The following PARD3 variants were observed in gnomAD, a reference collection of about 807,000 sequenced individuals.
The protein encoded by PARD3 is par-3 family cell polarity regulator, also known as partitioning defective 3 homolog.
In PARD3, 75 loss-of-function variants were observed where a neutral mutation model predicts 155.4. That is an observed-to-expected ratio of 0.48 (90% CI 0.40 to 0.58). The LOEUF (loss-of-function observed/expected upper bound fraction) is 0.58, where lower values mean the gene tolerates loss of function less well. Ranked by LOEUF, PARD3 falls within the 20% of genes least tolerant of loss-of-function variation. PARD3 has a pLI of 0.00. For missense variants in PARD3, 1,642 were observed against 1,721.7 expected, an observed-to-expected ratio of 0.95 and a Z score of 0.82; for synonymous variants, 576 against 610.5, an observed-to-expected ratio of 0.94 and a Z score of 0.83.
At position 34,814,957 on chromosome 10, in the gene PARD3, G is replaced by T; in HGVS notation, c.39C>A (p.Val13=). The change falls in exon 1 of 25, where the codon GTC becomes GTA. Residue 13 remains valine, a synonymous_variant. Coordinates refer to ENST00000374788, the MANE Select transcript of PARD3 (RefSeq NM_001184785.2). ...TCATGTGGCCGTCCCCGCACGGCACGACCACCCGGGTCCGTCCGAAGCACA... is the reference window on the plus strand; with the variant it reads ...TCATGTGGCCGTCCCCGCACGGCACTACCACCCGGGTCCGTCCGAAGCACA... ...VTVCFGRTRV[V]VPCGDGHMKV... is the part of the protein sequence containing the mutation. 5 of 1,560,648 alleles carry T rather than the reference G, an allele frequency of 3.2e-6. No homozygotes were observed. The highest frequency in any genetic ancestry group is 4.3e-6 in the Non-Finnish European group (5 of 1,155,776).
intron 2 of PARD3, among the ~76,000 whole-genome samples, chr10:34,634,418 CA>C (rs2092394112): frequency 6.6e-6 from 1 of 152,036 alleles, no homozygotes; most frequent in Non-Finnish European, 1.5e-5. Context: ...GTTTTCCCTC[CA>C]GGGGAGGGAA....
chr10:34,644,052 A>T (rs2092760933), intron 2 of PARD3, among the ~76,000 whole-genome samples: 1 of 152,344 alleles, frequency 6.6e-6, no homozygotes, highest in Admixed American at 6.5e-5. Flanking sequence ...CTGCTTGCAT[A>T]AATTTTTTAG....
intron 20 of PARD3, among the ~76,000 whole-genome samples, chr10:34,305,408 C>T (rs1433584818): frequency 2.6e-5 from 4 of 152,226 alleles, no homozygotes; most frequent in Non-Finnish European, 5.9e-5. Context: ...GAAGGGAGGC[C>T]TTCCACCTGC....
At position 34,227,856 on chromosome 10, in the gene PARD3, T is replaced by TATATATATATATATATATATATATATATA. The variant is rs1554814034; in HGVS notation, c.3419+41800_3419+41801insTATATATATATATATATATATATATATAT. Among the ~76,000 whole-genome samples, 37 of 82,222 alleles carry TATATATATATATATATATATATATATATA rather than the reference T, an allele frequency of 4.5e-4. 4 individuals are homozygous for TATATATATATATATATATATATATATATA. The highest frequency in any genetic ancestry group is 1.4e-3 in the African/African-American group (23 of 16,872). The allele number at this position is 82,222 out of a possible 152,430, so 53.9% of individuals were successfully genotyped here. ...TATTCCCAGTAATGGGAATTATTTT[T>TATATATATATATATATATATATATATATA]TATATATATATATATATATATATAT... On this transcript the variant is annotated intron_variant, in intron 22 of 24. Coordinates refer to ENST00000374788, the MANE Select transcript of PARD3 (RefSeq NM_001184785.2).
chr10:34,345,810 G>GTA, intron 15 of PARD3: 1 of 985,174 alleles, frequency 1.0e-6, no homozygotes, highest in Non-Finnish European at 1.2e-6. Context: ...ACTTTAAGTG[G>GTA]TAACTAATTT....
At chr10:34,753,812 C>T (rs1055940183) in intron 1 of PARD3, among the ~76,000 whole-genome samples, 11 of 152,044 alleles carry the variant, frequency 7.2e-5, no homozygotes, top group African/African-American at 1.2e-4. Context: ...AAGCAAAAGC[C>T]GGGGCTGCAC....
At chr10:34,643,016 T>C in intron 2 of PARD3, among the ~76,000 whole-genome samples, 1 of 152,186 alleles carries the variant, frequency 6.6e-6, no homozygotes, top group East Asian at 1.9e-4. Context: ...AAGACCCTAC[T>C]GCACACATCC....
intron 3 of PARD3, among the ~76,000 whole-genome samples, chr10:34,490,847 G>T (rs1406404232): frequency 6.6e-6 from 1 of 152,152 alleles, no homozygotes; most frequent in Non-Finnish European, 1.5e-5. Flanking sequence ...AATGACGTGG[G>T]AATACTCTGT....
chr10:34,434,589 C>T (rs1400599096), intron 5 of PARD3, among the ~76,000 whole-genome samples: 1 of 152,176 alleles, frequency 6.6e-6, no homozygotes, highest in African/African-American at 2.4e-5. Flanking sequence ...CCTGACCACA[C>T]ATCAGTCTAG....
At position 34,783,604 on chromosome 10, in the gene PARD3, CAAAAAAAAAAAAAA is replaced by C. The variant is rs35411933; in HGVS notation, c.120+31258_120+31271del. Reference sequence around the variant, plus strand: ...GGGCGACAGAACGAGACTCCGTCTTCAAAAAAAAAAAAAAAAAAAAAAAAAGAATGTAAGTCCTC... The same window carrying C: ...GGGCGACAGAACGAGACTCCGTCTTCAAAAAAAAAAAGAATGTAAGTCCTC... On this transcript the variant is annotated intron_variant, in intron 1 of 24. Transcript: ENST00000374788. 2.4e-3 allele frequency among the ~76,000 whole-genome samples: 184 copies of C among 76,286 alleles called. 3 individuals are homozygous for C. The highest frequency in any genetic ancestry group is 8.6e-3 in the African/African-American group (165 of 19,244). The allele number at this position is 76,286 out of a possible 152,430, so 50.0% of individuals were successfully genotyped here. A position where few individuals can be genotyped will look rare whatever the true frequency, so the allele number is the denominator to read the frequency against.
chr10:34,754,546 T>C (rs1168806757), intron 1 of PARD3, among the ~76,000 whole-genome samples: 2 of 152,224 alleles, frequency 1.3e-5, no homozygotes, highest in African/African-American at 4.8e-5. Flanking sequence ...AAATACTTTA[T>C]TAATAGAAAG....
intron 23 of PARD3, among the ~76,000 whole-genome samples, chr10:34,128,179 A>G (rs1332711684): frequency 1.3e-5 from 2 of 152,158 alleles, no homozygotes; most frequent in Non-Finnish European, 2.9e-5. Context: ...ACTAAGTTAA[A>G]GCTCTTCAAA....
intron 22 of PARD3, among the ~76,000 whole-genome samples, chr10:34,264,660 C>G (rs1955205553): frequency 6.6e-6 from 1 of 151,962 alleles, no homozygotes; most frequent in South Asian, 2.1e-4. Flanking sequence ...ACTTAGGAGT[C>G]AGAACTACGT....
intron 19 of PARD3, among the ~76,000 whole-genome samples, chr10:34,329,861 G>A (rs1564592450): frequency 1.3e-5 from 2 of 152,008 alleles, no homozygotes; most frequent in African/African-American, 2.4e-5. Context: ...CTTCCCAAAC[G>A]CATTATATGT....
At chr10:34,524,952 C>T (rs2082378179) in intron 2 of PARD3, among the ~76,000 whole-genome samples, 1 of 152,076 alleles carries the variant, frequency 6.6e-6, no homozygotes, top group Non-Finnish European at 1.5e-5. Flanking sequence ...GTAGACACAA[C>T]AAAAAGGGAA....
At chr10:34,174,151 C>T (rs1249426132) in intron 22 of PARD3, among the ~76,000 whole-genome samples, 1 of 152,196 alleles carries the variant, frequency 6.6e-6, no homozygotes, top group African/African-American at 2.4e-5. Flanking sequence ...CTTCAGCATA[C>T]ACGTGGCCAA....
At chr10:34,526,272 T>C (rs1174049976) in intron 2 of PARD3, among the ~76,000 whole-genome samples, 1 of 151,834 alleles carries the variant, frequency 6.6e-6, no homozygotes, top group Non-Finnish European at 1.5e-5. Flanking sequence ...AGCAAGCAAC[T>C]GGGGGTGAAA....
intron 21 of PARD3, among the ~76,000 whole-genome samples, chr10:34,276,006 T>C (rs1453954714): frequency 6.6e-6 from 1 of 152,136 alleles, no homozygotes; most frequent in African/African-American, 2.4e-5. Flanking sequence ...TAAATGTCTA[T>C]TGCTTTAAAC....
intron 2 of PARD3, among the ~76,000 whole-genome samples, chr10:34,587,616 T>G (rs1182197679): frequency 6.6e-6 from 1 of 152,154 alleles, no homozygotes; most frequent in Non-Finnish European, 1.5e-5. Context: ...AAGTTATATA[T>G]TATAATCACT....
Sources: allele counts gnomAD v4.1 joint callset (sites outside exome capture counted in the v4.1 genomes callset), GRCh38; gene constraint gnomAD v4.1.1; transcripts MANE v1.5; gene names NCBI Gene and HGNC (gene_info 2026-07-23, HGNC 2026-07-21).